ZNF335: variants seen among roughly 807,000 people sequenced by gnomAD.
ZNF335 encodes NRC-interacting factor 1.
ZNF335 carries 84 observed loss-of-function variants against 145.6 expected under a neutral mutation model. That is an observed-to-expected ratio of 0.58 (90% CI 0.48 to 0.69). The LOEUF (loss-of-function observed/expected upper bound fraction) is 0.69. Ranked by LOEUF, ZNF335 falls within the 30% of genes least tolerant of loss-of-function variation. The pLI is 0.00. For missense variants in ZNF335, 1,865 were observed against 1,809.7 expected, an observed-to-expected ratio of 1.03 and a Z score of -0.55; for synonymous variants, 761 against 717.0, an observed-to-expected ratio of 1.06 and a Z score of -0.98.
rs763235298 is a variant in ZNF335, at chr20:45,967,599, G to A, written c.850C>T (p.Arg284Cys). 6.8e-6 allele frequency: 11 copies of A among 1,613,844 alleles called. No individual in the cohort carries two copies. Among genetic ancestry groups the A allele is most frequent in the Admixed American group, 1.7e-5 (1 of 59,984 alleles). The stretch of plus-strand genomic sequence containing the variant: ...GTGGAGGTGCTCCACTTCCGTAGAC[G>A]TCCTTTTTTACCAGCTGCTGCTGCG... ...AAAAAAGKKG[R>C]LRKWSTSTKS... The change falls in exon 6 of 28, where the codon CGT becomes TGT. Residue 284 changes from arginine (R) to cysteine (C), a missense_variant. Arg to Cys is a radical substitution (Grantham distance 180). Coordinates refer to ENST00000322927, the MANE Select transcript of ZNF335 (RefSeq NM_022095.4).
At chr20:45,962,961 G>A (rs1398744658) in intron 9 of ZNF335, among the ~76,000 whole-genome samples, 1 of 151,918 alleles carries the variant, frequency 6.6e-6, no homozygotes, top group African/African-American at 2.4e-5. Context: ...TTACAGGCAT[G>A]CACCACCATG....
At chr20:45,960,427 A>C (rs1301959006) in intron 13 of ZNF335, 22 bp downstream of exon 13, 37 of 1,614,142 alleles carry the variant, frequency 2.3e-5, no homozygotes, top group Non-Finnish European at 3.1e-5. Flanking sequence ...TCCCGTCCCC[A>C]GGGGCCTCCA....
chr20:45,951,815 C>T (rs560552748), intron 20 of ZNF335, among the ~76,000 whole-genome samples: 1 of 152,246 alleles, frequency 6.6e-6, no homozygotes, highest in Non-Finnish European at 1.5e-5. Context: ...CTGTCACACA[C>T]TTCTGTGCCT....
In ZNF335 at chr20:45,952,360, TGAG is replaced by T. The variant is rs1568807313; in HGVS notation, c.2973_2975del (p.Ser992del). ...CCAGGGCTTTGCTGGTTGCAGGAGG[TGAG>T]GAGGCAGAGCTCTGGGAGTCCCCTA... On this transcript the variant is annotated inframe_deletion, in exon 20 of 28. Coordinates refer to ENST00000322927, the MANE Select transcript of ZNF335 (RefSeq NM_022095.4). 1 of 1,611,444 alleles carries T rather than the reference TGAG, an allele frequency of 6.2e-7. No individual in the cohort carries two copies. The highest frequency in any genetic ancestry group is 1.7e-5 in the Admixed American group (1 of 59,846).
At chr20:45,949,927 C>T in intron 23 of ZNF335, 39 bp downstream of exon 23, 4 of 1,614,126 alleles carry the variant, frequency 2.5e-6, no homozygotes, top group Non-Finnish European at 3.4e-6. Context: ...CCAACCCCTG[C>T]CTGTCGCTGG....
chr20:45,955,511 C>G (rs752344984), intron 17 of ZNF335, among the ~76,000 whole-genome samples: 7 of 152,028 alleles, frequency 4.6e-5, no homozygotes, highest in East Asian at 1.9e-4. Context: ...TTGTAGGAGG[C>G]TTTTTAAAAA....
At chr20:45,956,339 C>T (rs1254512136) in intron 17 of ZNF335, among the ~76,000 whole-genome samples, 1 of 152,006 alleles carries the variant, frequency 6.6e-6, no homozygotes, top group Non-Finnish European at 1.5e-5. Flanking sequence ...AGCGATTCTC[C>T]TGCCTCGGCC....
chr20:45,971,845 C>CT, intron 1 of ZNF335: 1 of 985,320 alleles, frequency 1.0e-6, no homozygotes, highest in Non-Finnish European at 1.2e-6. Flanking sequence ...GTTCGCTCCC[C>CT]CCCGGTTCCC....
chr20:45,964,426 T>G, intron 7 of ZNF335: 1 of 159,818 alleles, frequency 6.3e-6, no homozygotes, highest in Non-Finnish European at 1.4e-5. Context: ...AACACTGGCA[T>G]TCCCCAGGGA....
rs1240578412 is a variant in ZNF335, at chr20:45,967,571, T to C, written c.878A>G (p.Lys293Arg). ...CTCTGGTCCCTCTTCCTCTTGGCTC[T>C]TGGTGGAGGTGCTCCACTTCCGTAG... ...GRLRKWSTST[K>R]SQEEEGPEEE... is the part of the protein sequence containing the mutation. Residue 293 changes from lysine to arginine, a missense_variant, in exon 6 of 28, where the codon AAG becomes AGG. By Grantham distance (26) the Lys-to-Arg change is conservative (BLOSUM62 2). Coordinates refer to ENST00000322927, the MANE Select transcript of ZNF335 (RefSeq NM_022095.4). 1.2e-6 allele frequency: 2 copies of C among 1,614,100 alleles called. No homozygotes were observed. Among genetic ancestry groups the C allele is most frequent in the Admixed American group, 1.7e-5 (1 of 60,018 alleles).
At chr20:45,972,036 G>C in intron 1 of ZNF335, 86 bp downstream of exon 1, 1 of 1,249,214 alleles carries the variant, frequency 8.0e-7, no homozygotes, top group African/African-American at 1.6e-5. Context: ...CCGCCGGCCT[G>C]GGACCTCGCC....
chr20:45,960,887 G>C lies in ZNF335; in HGVS notation c.1647-5C>G, dbSNP rs753442467. The C allele has an allele frequency of 1.2e-6, 2 of 1,613,564 alleles. No homozygotes were observed. The highest frequency in any genetic ancestry group is 4.5e-5 in the East Asian group (2 of 44,850). ...ACCGGATCTGGCCTCTTCTTCCTGT[G>C]GGGAAAAGGCCGAGGAATTAGACCA... is the stretch of plus-strand genomic sequence containing the variant. On this transcript the variant is annotated splice_region_variant and splice_polypyrimidine_tract_variant and intron_variant, in intron 10 of 27. Transcript: ENST00000322927.
chr20:45,969,075 T>C (rs766286702), intron 3 of ZNF335, among the ~76,000 whole-genome samples: 12 of 152,194 alleles, frequency 7.9e-5, no homozygotes, highest in Non-Finnish European at 1.5e-4. Context: ...CTGGTGACAG[T>C]GGGTAAGTTA....
chr20:45,971,575 C>G, intron 1 of ZNF335, 115 bp from the exon 2 acceptor site: 1 of 1,448,690 alleles, frequency 6.9e-7, no homozygotes, highest in South Asian at 1.4e-5. Flanking sequence ...ATTGAGTCTC[C>G]GACGGGGCGG....
Position 45,953,635 on chromosome 20 carries a change from G to A in ZNF335, c.2702+54C>T, listed in dbSNP as rs141323614. On this transcript the variant is annotated intron_variant, in intron 18 of 27. Coordinates refer to ENST00000322927, the MANE Select transcript of ZNF335 (RefSeq NM_022095.4). ...GCTTGGGTGGGGCCCAAATCGGACC[G>A]ACCGACCACACCTACAAAAAGCTGA... The A allele has an allele frequency of 8.0e-4, 1,282 of 1,598,194 alleles. 11 individuals are homozygous for A. In the African/African-American group the frequency reaches 0.014, roughly 18 times the overall value.
intron 3 of ZNF335, chr20:45,968,641 G>T: frequency 2.4e-6 from 1 of 411,002 alleles, no homozygotes; most frequent in Non-Finnish European, 4.5e-6. Context: ...CACCAAACCT[G>T]GGAAGTCCTC....
Position 45,953,854 on chromosome 20 carries a change from A to C in ZNF335, c.2537T>G (p.Leu846Arg). 6.2e-7 allele frequency: 1 copy of C among 1,613,980 alleles called. No homozygotes were observed. The highest frequency in any genetic ancestry group is 1.3e-5 in the African/African-American group (1 of 75,042). Residue 846 changes from leucine (L) to arginine (R), a missense_variant, in exon 18 of 28, where the codon CTC becomes CGC. Leu to Arg is a moderately radical substitution (Grantham distance 102, BLOSUM62 -2). Transcript: ENST00000322927. ...ACCGCCCCCTGGCTCTGCCACGTGG[A>C]GGGTGACCACCTGTGGAGTGGCACC... ...PEGATPQVVTLHVAEPGGGAA... is the reference protein window; with the variant it reads ...PEGATPQVVTRHVAEPGGGAA...
Position 45,960,211 on chromosome 20 carries a change from T to C in ZNF335, c.2017A>G (p.Thr673Ala). Residue 673 changes from threonine (T) to alanine (A), a missense_variant, in exon 14 of 28, where the codon ACA becomes GCA. Transcript: ENST00000322927. ...FLLSHVAVKHTGAKPFACEYC... is the reference protein window; with the variant it reads ...FLLSHVAVKHAGAKPFACEYC... ...GCTGGGGTGTGTCCAGCCTGACCTGTGTGCTTGACAGCCACATGGGACAGC... is the reference window on the plus strand; with the variant it reads ...GCTGGGGTGTGTCCAGCCTGACCTGCGTGCTTGACAGCCACATGGGACAGC... 6.2e-7 allele frequency: 1 copy of C among 1,614,060 alleles called. No individual in the cohort carries two copies. The highest frequency in any genetic ancestry group is 8.5e-7 in the Non-Finnish European group (1 of 1,179,986).
At chr20:45,971,513 G>A (rs2084067225) in intron 1 of ZNF335, 53 bp from the exon 2 acceptor site, 1 of 1,519,024 alleles carries the variant, frequency 6.6e-7, no homozygotes, top group African/African-American at 1.4e-5. Context: ...CCCCAGCCCC[G>A]GCAACCACGG....
Sources: gnomAD v4.1 joint callset for allele counts (sites outside exome capture counted in the v4.1 genomes callset) on GRCh38, gnomAD v4.1.1 for gene constraint, MANE v1.5 for transcripts, NCBI Gene and HGNC (gene_info 2026-07-23, HGNC 2026-07-21) for gene names.